The following ENTPD1 variants were observed in gnomAD, a reference collection of about 807,000 sequenced individuals.
The protein encoded by ENTPD1 is ectonucleoside triphosphate diphosphohydrolase 1, also known as ATP diphosphohydrolase.
A neutral mutation model predicts 57.0 loss-of-function variants in ENTPD1; 33 were observed. The ratio of observed to expected loss-of-function variants is 0.58; its 90% CI spans 0.44 to 0.77. The LOEUF is 0.77. Ranked by LOEUF, ENTPD1 falls within the 30% of genes least tolerant of loss-of-function variation. ENTPD1 has a pLI of 0.00. For synonymous variants in ENTPD1, 202 were observed against 218.8 expected, an observed-to-expected ratio of 0.92 and a Z score of 0.68; for missense variants, 501 against 603.4, an observed-to-expected ratio of 0.83 and a Z score of 1.78.
chr10:95,857,710 G>A (rs574360477), intron 7 of ENTPD1, among the ~76,000 whole-genome samples: 3 of 152,260 alleles, frequency 2.0e-5, no homozygotes, highest in African/African-American at 7.2e-5. Flanking sequence ...CTTATTTACG[G>A]AGCACTCACA....
intron 4 of ENTPD1, among the ~76,000 whole-genome samples, chr10:95,842,725 A>C (rs1030863640): frequency 1.3e-5 from 2 of 151,834 alleles, no homozygotes; most frequent in African/African-American, 4.8e-5. Flanking sequence ...GCATCTCCCT[A>C]TGGGGGATTC....
At chr10:95,777,807 C>G (rs1264508686) in intron 1 of ENTPD1, among the ~76,000 whole-genome samples, 2 of 152,244 alleles carry the variant, frequency 1.3e-5, no homozygotes, top group Non-Finnish European at 2.9e-5. Flanking sequence ...GCGGTGGGCT[C>G]TGCCCAGTTC....
intron 1 of ENTPD1, among the ~76,000 whole-genome samples, chr10:95,802,402 G>T (rs1482533667): frequency 6.6e-6 from 1 of 151,906 alleles, no homozygotes; most frequent in African/African-American, 2.4e-5. Flanking sequence ...TTTTTTCAGG[G>T]TAATTAGCAT....
At chr10:95,749,136 A>G (rs545385565) in intron 1 of ENTPD1, among the ~76,000 whole-genome samples, 2 of 152,300 alleles carry the variant, frequency 1.3e-5, no homozygotes, top group East Asian at 3.9e-4. Flanking sequence ...AAATGCTACC[A>G]ATTTTAGTCT....
At chr10:95,792,262 T>A (rs1173007060) in intron 1 of ENTPD1, among the ~76,000 whole-genome samples, 1 of 152,152 alleles carries the variant, frequency 6.6e-6, no homozygotes, top group Non-Finnish European at 1.5e-5. Context: ...GTCACCCGAG[T>A]GCCCCATAAG....
At chr10:95,772,460 C>T (rs1042126128) in intron 1 of ENTPD1, among the ~76,000 whole-genome samples, 4 of 152,178 alleles carry the variant, frequency 2.6e-5, no homozygotes, top group Admixed American at 6.5e-5. Context: ...GTATCTTCCC[C>T]AAGAGTAGAT....
chr10:95,764,689 G>A lies in ENTPD1; in HGVS notation c.16+8434G>A, dbSNP rs981562825. ...TAGTGGGCATTTGTGGATCTTTTTT[G>A]GAAAAATGCCTGTTCAGATCCTTTG... On this transcript the variant is annotated intron_variant, in intron 1 of 9. Transcript: ENST00000371205. Among the ~76,000 whole-genome samples the A allele has an allele frequency of 4.7e-5, 7 of 149,216 alleles. No homozygotes were observed. In the East Asian group the frequency reaches 1.2e-3, roughly 25 times the overall value.
At position 95,756,253 on chromosome 10, in the gene ENTPD1, A is replaced by G. The variant is rs1450544702; in HGVS notation, c.14A>G (p.Lys5Arg). ...AAGCTGCTACTTATGGAAGATACAA[A>G]GGGTAAGACCAAAATTGATTTGATC... MEDT[K>R]ESNVKTFCSK... The change falls in exon 1 of 10, where the codon AAG (lysine) becomes AGG (arginine). Residue 5 changes from lysine to arginine, a missense_variant and splice_region_variant. Lys to Arg is a conservative substitution (Grantham distance 26). Coordinates refer to ENST00000371205, the MANE Select transcript of ENTPD1 (RefSeq NM_001776.6). 6 of 1,593,928 alleles carry G rather than the reference A, an allele frequency of 3.8e-6. No homozygotes were observed. In the East Asian group the frequency reaches 1.1e-4, roughly 30 times the overall value.
chr10:95,703,137 T>G, the ENTPD1 span, among the ~76,000 whole-genome samples: 2 of 152,082 alleles, frequency 1.3e-5, no homozygotes, highest in African/African-American at 2.4e-5. Flanking sequence ...TAGAATATCT[T>G]TAAGGAAGCT....
Position 95,869,715 on chromosome 10 carries a change from C to T in ENTPD1, c.*3332C>T. On this transcript the variant is annotated 3_prime_UTR_variant, in exon 10 of 10. Coordinates refer to ENST00000371205, the MANE Select transcript of ENTPD1 (RefSeq NM_001776.6). ...CACTTCATTTTAATGTTGTATCAGT[C>T]AAGGTCCCTGCAAGAGATGGATGGT... 1 of 944,342 alleles carries T rather than the reference C, an allele frequency of 1.1e-6. No individual in the cohort carries two copies. Among genetic ancestry groups the T allele is most frequent in the Non-Finnish European group, 1.3e-6 (1 of 792,610 alleles). 58.5% of individuals were successfully genotyped at this position (944,342 alleles called of 1,614,324 possible).
intron 2 of ENTPD1, among the ~76,000 whole-genome samples, chr10:95,827,762 A>G (rs963398763): frequency 6.6e-6 from 1 of 152,190 alleles, no homozygotes; most frequent in Admixed American, 6.5e-5. Context: ...GATTACAGGC[A>G]TGAGCCACCA....
chr10:95,847,392 CT>C, intron 6 of ENTPD1, 53 bp from the exon 7 acceptor site: 1 of 1,609,786 alleles, frequency 6.2e-7, no homozygotes, highest in Non-Finnish European at 8.5e-7. Flanking sequence ...CAGACTGTAC[CT>C]TTTGTATCCA....
At chr10:95,787,259 C>T (rs762804212) in intron 1 of ENTPD1, among the ~76,000 whole-genome samples, 1 of 152,076 alleles carries the variant, frequency 6.6e-6, no homozygotes, top group Non-Finnish European at 1.5e-5. Context: ...CGTAGTATTC[C>T]AAGCTTTATT....
At chr10:95,713,075 T>C (rs1415836694) in intron 1 of ENTPD1, among the ~76,000 whole-genome samples, 1 of 151,842 alleles carries the variant, frequency 6.6e-6, no homozygotes, top group Non-Finnish European at 1.5e-5. Flanking sequence ...GCAAGAGTCT[T>C]TGTTATCTTA....
In ENTPD1 at chr10:95,845,516, G is replaced by A; in HGVS notation, c.733G>A (p.Asp245Asn). ...TCTGCAATTTCGCCTCTATGGCAAG[G>A]ACTACAATGTCTACACACATAGCTT... ...NALQFRLYGK[D>N]YNVYTHSFLC... Residue 245 changes from aspartate (D) to asparagine (N), a missense_variant, in exon 6 of 10, where the codon GAC (aspartate) becomes AAC (asparagine). Transcript: ENST00000371205. 2 of 1,614,202 alleles carry A rather than the reference G, an allele frequency of 1.2e-6. No homozygotes were observed. The highest frequency in any genetic ancestry group is 1.7e-6 in the Non-Finnish European group (2 of 1,180,038).
chr10:95,787,516 G>T (rs2140237502), intron 1 of ENTPD1, among the ~76,000 whole-genome samples: 1 of 152,288 alleles, frequency 6.6e-6, no homozygotes, highest in Non-Finnish European at 1.5e-5. Context: ...AGAGGGCTTT[G>T]GGTGAGAGAA....
rs1216678351 is a variant in ENTPD1 at position 95,844,499 on chromosome 10, A to C, written c.437A>C (p.Asp146Ala). The C allele has an allele frequency of 3.1e-6, 5 of 1,614,080 alleles. No individual in the cohort carries two copies. The highest frequency in any genetic ancestry group is 4.2e-6 in the Non-Finnish European group (5 of 1,180,030). ...AGGATGGAAAGTGAAGAGTTGGCAG[A>C]CAGGGTTCTGGATGTGGTGGAGAGG... The part of the protein sequence containing the change: ...LLRMESEELA[D>A]RVLDVVERSL... The change falls in exon 5 of 10, where the codon GAC becomes GCC. Residue 146 changes from aspartate (D) to alanine (A), a missense_variant. Asp to Ala is a moderately radical substitution (Grantham distance 126). Transcript: ENST00000371205.
intron 1 of ENTPD1, among the ~76,000 whole-genome samples, chr10:95,723,194 T>C (rs1339291558): frequency 6.6e-6 from 1 of 152,204 alleles, no homozygotes; most frequent in Non-Finnish European, 1.5e-5. Context: ...TGATCAATTA[T>C]AGGTTTTAAA....
Position 95,871,486 on chromosome 10 carries a change from T to C in ENTPD1, c.*5103T>C, listed in dbSNP as rs2098480376. 5.1e-6 allele frequency: 5 copies of C among 985,232 alleles called. No homozygotes were observed. The South Asian group carries it at 2.3e-4, about 46-fold the overall frequency. The allele number at this position is 985,232 out of a possible 1,614,324, so 61.0% of individuals were successfully genotyped here. On this transcript the variant is annotated 3_prime_UTR_variant, in exon 10 of 10. Coordinates refer to ENST00000371205, the MANE Select transcript of ENTPD1 (RefSeq NM_001776.6). ...TTCTTATTTTATACGTTTAGGACAA[T>C]GTATAGCTAATTACCCAACTTTTTA...
Sources: allele counts gnomAD v4.1 joint callset (sites outside exome capture counted in the v4.1 genomes callset), GRCh38; gene constraint gnomAD v4.1.1; transcripts MANE v1.5; gene names NCBI Gene and HGNC (gene_info 2026-07-23, HGNC 2026-07-21).